The following ASTN2 variants were observed in gnomAD, a reference collection of about 807,000 sequenced individuals.
ASTN2 encodes the protein astrotactin-2.
ASTN2 carries 54 observed loss-of-function variants against 139.8 expected under a neutral mutation model. The observed-to-expected ratio is 0.39, with a 90% CI of 0.31 to 0.48. The LOEUF (loss-of-function observed/expected upper bound fraction) is 0.48. ASTN2 is among the 20% of genes least tolerant of loss of function. The probability of loss-of-function intolerance (pLI) is 0.95; values close to 1 mark genes in which losing one functional copy is unlikely to be tolerated. For synonymous variants in ASTN2, 756 were observed against 719.5 expected (o/e 1.05, Z -0.81); for missense variants, 1,565 against 1,725.1 (o/e 0.91, Z 1.64).
At chr9:117,178,968 T>C (rs1830987275) in intron 3 of ASTN2, among the ~76,000 whole-genome samples, 1 of 152,226 alleles carries the variant, frequency 6.6e-6, no homozygotes, top group Non-Finnish European at 1.5e-5. Flanking sequence ...TTCCTTCTCC[T>C]TTCTTCCTTT....
At chr9:116,489,213 T>C (rs1849433531) in intron 19 of ASTN2, among the ~76,000 whole-genome samples, 1 of 152,216 alleles carries the variant, frequency 6.6e-6, no homozygotes. Flanking sequence ...AGATTAGGAC[T>C]CAGAGCAGCT....
intron 13 of ASTN2, among the ~76,000 whole-genome samples, chr9:116,790,785 C>T (rs567008381): frequency 2.0e-5 from 3 of 151,462 alleles, no homozygotes; most frequent in Admixed American, 6.6e-5. Context: ...AGCGATTCTC[C>T]TGCCTCAGCC....
chr9:117,202,098 C>A (rs1230194641), intron 3 of ASTN2, among the ~76,000 whole-genome samples: 1 of 151,912 alleles, frequency 6.6e-6, no homozygotes, highest in Non-Finnish European at 1.5e-5. Flanking sequence ...ATGTAATGCC[C>A]TTCCTTGTCT....
chr9:116,957,221 A>C (rs982211532), intron 10 of ASTN2, among the ~76,000 whole-genome samples: 3 of 152,092 alleles, frequency 2.0e-5, no homozygotes, highest in South Asian at 2.1e-4. Context: ...CTACGAATAC[A>C]TGTACATATG....
rs143250713 is a variant in ASTN2 at position 117,285,816 on chromosome 9, T to C, written c.630+5510A>G. 3.3e-3 allele frequency among the ~76,000 whole-genome samples: 504 copies of C among 152,334 alleles called. 2 individuals carry two copies. Among genetic ancestry groups the C allele is most frequent in the African/African-American group, 0.011 (463 of 41,580 alleles). ...TCTTGGAATCCTGAATCCTCCCTCATTGGAGGCCAGCAATACAAATCCGTG... is the reference window on the plus strand; with the variant it reads ...TCTTGGAATCCTGAATCCTCCCTCACTGGAGGCCAGCAATACAAATCCGTG... On this transcript the variant is annotated intron_variant, in intron 2 of 22. Coordinates refer to ENST00000313400, the MANE Select transcript of ASTN2 (RefSeq NM_001365068.1).
intron 10 of ASTN2, among the ~76,000 whole-genome samples, chr9:116,897,671 C>A (rs1227955070): frequency 6.6e-6 from 1 of 151,816 alleles, no homozygotes; most frequent in Non-Finnish European, 1.5e-5. Context: ...CGAACTGAAT[C>A]TATATGTGTC....
chr9:116,981,828 G>C (rs1836520123), intron 7 of ASTN2, among the ~76,000 whole-genome samples: 1 of 152,036 alleles, frequency 6.6e-6, no homozygotes, highest in South Asian at 2.1e-4. Context: ...TAGTAATGGA[G>C]ACCTAAAAAA....
intron 1 of ASTN2, among the ~76,000 whole-genome samples, chr9:117,356,363 T>C (rs1194012670): frequency 6.6e-6 from 1 of 152,196 alleles, no homozygotes. Context: ...CCATGACATA[T>C]GTGGTGAGAT....
chr9:117,222,498 G>A (rs759684387), intron 2 of ASTN2, among the ~76,000 whole-genome samples: 1 of 152,214 alleles, frequency 6.6e-6, no homozygotes, highest in African/African-American at 2.4e-5. Flanking sequence ...GAGTGGCGAA[G>A]AGAAGGCCCA....
intron 13 of ASTN2, among the ~76,000 whole-genome samples, chr9:116,740,985 C>G (rs1179512431): frequency 1.3e-5 from 2 of 151,876 alleles, no homozygotes; most frequent in East Asian, 1.9e-4. Context: ...CCCAGGCTAC[C>G]TGCATATGAC....
intron 7 of ASTN2, among the ~76,000 whole-genome samples, chr9:116,991,711 C>T (rs546705541): frequency 6.6e-6 from 1 of 152,272 alleles, no homozygotes; most frequent in East Asian, 1.9e-4. Flanking sequence ...AGTGGTTCCC[C>T]CTTGCATTCA....
intron 2 of ASTN2, chr9:117,276,964 T>G (rs1223999318): frequency 6.6e-6 from 1 of 152,228 alleles, no homozygotes; most frequent in Admixed American, 6.5e-5. Context: ...TTCCCCCTAA[T>G]GGTTTCGATG....
In ASTN2 at chr9:116,482,100, G is replaced by A. The variant is rs561719750; in HGVS notation, c.3497+5259C>T. 1.2e-4 allele frequency among the ~76,000 whole-genome samples: 18 copies of A among 152,332 alleles called. 1 individual carries two copies. The highest frequency in any genetic ancestry group is 4.3e-4 in the African/African-American group (18 of 41,564). ...CCAGCACTTTGGGAGGCCGAGGCAG[G>A]CGGATCACAAGGTCAAGAGATCGAG... On this transcript the variant is annotated intron_variant, in intron 20 of 22. Coordinates refer to ENST00000313400, the MANE Select transcript of ASTN2 (RefSeq NM_001365068.1).
chr9:117,377,893 G>A (rs1400388926), intron 1 of ASTN2, among the ~76,000 whole-genome samples: 2 of 152,126 alleles, frequency 1.3e-5, no homozygotes, highest in Non-Finnish European at 2.9e-5. Context: ...GGAAATGACA[G>A]ATGCATATTT....
intron 3 of ASTN2, among the ~76,000 whole-genome samples, chr9:117,155,504 G>GAGAAAGAGAGAGAGAGAC (rs1554784663): frequency 6.6e-6 from 1 of 151,688 alleles, no homozygotes. Flanking sequence ...GACAGAGAGA[G>GAGAAAGAGAGAGAGAGAC]AGAGACAGAG....
chr9:116,719,737 C>G (rs1010892265), intron 16 of ASTN2, among the ~76,000 whole-genome samples: 7 of 151,766 alleles, frequency 4.6e-5, no homozygotes, highest in South Asian at 4.2e-4. Flanking sequence ...ACTTCACTTA[C>G]TAATGTTGCA....
chr9:117,120,844 GATGGTCTGTATCATATTCAC>G (rs1829540072), intron 4 of ASTN2, among the ~76,000 whole-genome samples: 4 of 152,196 alleles, frequency 2.6e-5, no homozygotes. Context: ...ATGCATGAGT[GATGGTCTGTATCATATTCAC>G]ATTTAATTCA....
intron 2 of ASTN2, among the ~76,000 whole-genome samples, chr9:117,259,639 T>A (rs920255899): frequency 2.0e-5 from 3 of 152,212 alleles, no homozygotes; most frequent in Non-Finnish European, 4.4e-5. Flanking sequence ...AATCAGAACA[T>A]TTTAAAATCT....
chr9:117,003,943 C>CGT (rs1564379571), intron 7 of ASTN2, among the ~76,000 whole-genome samples: 59 of 132,278 alleles, frequency 4.5e-4, no homozygotes, highest in African/African-American at 1.8e-3. Context: ...TTCTTTCACG[C>CGT]GCGCGCGCGC....
Sources: allele counts gnomAD v4.1 joint callset (sites outside exome capture counted in the v4.1 genomes callset), GRCh38; gene constraint gnomAD v4.1.1; transcripts MANE v1.5; gene names NCBI Gene and HGNC (gene_info 2026-07-23, HGNC 2026-07-21).